The following CCDC178 variants were observed in gnomAD, a reference collection of about 807,000 sequenced individuals.
The protein encoded by CCDC178 is coiled-coil domain-containing protein 178.
In CCDC178, 126 loss-of-function variants were observed where a neutral mutation model predicts 117.4. That is an observed-to-expected ratio of 1.07 (90% confidence interval 0.93 to 1.24). CCDC178 has a LOEUF of 1.24. CCDC178 is among the 50% of genes most tolerant of loss of function. The pLI is 0.00. For synonymous variants in CCDC178, 283 were observed against 313.4 expected, an observed-to-expected ratio of 0.90 and a Z score of 1.02; for missense variants, 1,030 against 986.9, an observed-to-expected ratio of 1.04 and a Z score of -0.59.
rs578247994 is a variant in CCDC178, at chr18:33,328,165, G to A, written c.880-4532C>T. The stretch of plus-strand genomic sequence containing the variant: ...TTGCCAGGCTGGAGTGCAGTGGCGC[G>A]ATCTCGGCTCACTGCAACCCCCGCC... On this transcript the variant is annotated intron_variant, in intron 10 of 22. Coordinates refer to ENST00000383096, the MANE Select transcript of CCDC178 (RefSeq NM_001105528.4). 3.6e-4 allele frequency: 99 copies of A among 271,640 alleles called. No individual in the cohort carries two copies. In the Admixed American group the frequency reaches 4.8e-3, roughly 13 times the overall value. The allele number at this position is 271,640 out of a possible 1,614,324, so 16.8% of individuals were successfully genotyped here.
chr18:33,389,032 C>T (rs2063530662), intron 5 of CCDC178, among the ~76,000 whole-genome samples: 1 of 151,950 alleles, frequency 6.6e-6, no homozygotes, highest in African/African-American at 2.4e-5. Flanking sequence ...AGAGCTAATG[C>T]ATGTTGGGCT....
At chr18:33,389,815 T>C (rs1031786899) in intron 4 of CCDC178, among the ~76,000 whole-genome samples, 186 bp from the exon 5 acceptor site, 1 of 151,822 alleles carries the variant, frequency 6.6e-6, no homozygotes, top group African/African-American at 2.4e-5. Flanking sequence ...TGCTCTTCAA[T>C]TGGTTTGACT....
chr18:33,144,656 A>G (rs143664158), intron 20 of CCDC178, among the ~76,000 whole-genome samples: 1 of 152,256 alleles, frequency 6.6e-6, no homozygotes, highest in East Asian at 1.9e-4. Context: ...ATGTTGCCAA[A>G]TTTCTAATGT....
chr18:33,172,767 C>G (rs552148933), intron 20 of CCDC178, among the ~76,000 whole-genome samples: 1 of 152,214 alleles, frequency 6.6e-6, no homozygotes, highest in East Asian at 1.9e-4. Flanking sequence ...ATATTGAAAT[C>G]TATTTAACAA....
chr18:33,141,093 G>A (rs2058198191), intron 20 of CCDC178, among the ~76,000 whole-genome samples: 1 of 152,130 alleles, frequency 6.6e-6, no homozygotes, highest in Non-Finnish European at 1.5e-5. Flanking sequence ...ATGATTGTGA[G>A]GCCTCCCCAG....
At chr18:33,356,828 CA>C (rs1363228151) in intron 6 of CCDC178, among the ~76,000 whole-genome samples, 15 of 152,018 alleles carry the variant, frequency 9.9e-5, no homozygotes, top group African/African-American at 2.9e-4. Flanking sequence ...TATTCAGAAA[CA>C]GTCCTGCAAA....
intron 20 of CCDC178, among the ~76,000 whole-genome samples, chr18:33,152,409 A>G (rs1449274899): frequency 9.2e-5 from 14 of 152,008 alleles, no homozygotes; most frequent in Admixed American, 9.2e-4. Context: ...CTTTCTTTGA[A>G]TAATGAGACA....
chr18:32,958,102 T>C (rs1335621394), intron 22 of CCDC178: 1 of 394,436 alleles, frequency 2.5e-6, no homozygotes, highest in Non-Finnish European at 4.7e-6. Context: ...GCTAAATTAT[T>C]GATGCTACAC....
chr18:33,354,954 T>A (rs2063033959), intron 7 of CCDC178, among the ~76,000 whole-genome samples: 1 of 152,114 alleles, frequency 6.6e-6, no homozygotes, highest in South Asian at 2.1e-4. Context: ...CTAATTGAGA[T>A]TTTATATTTG....
intron 5 of CCDC178, among the ~76,000 whole-genome samples, chr18:33,379,138 CCATATATATATAATATAT>C (rs1272984304): frequency 2.5e-5 from 3 of 120,702 alleles, no homozygotes; most frequent in Admixed American, 1.8e-4. Context: ...ATATATATTT[CCATATATATATAATATAT>C]ATATTTCCAT....
chr18:33,318,944 T>C (rs901236301), intron 11 of CCDC178, among the ~76,000 whole-genome samples: 1 of 152,126 alleles, frequency 6.6e-6, no homozygotes, highest in Non-Finnish European at 1.5e-5. Context: ...AAATATCTTT[T>C]GAACAAAAAT....
At chr18:33,440,412 G>T (rs955453310) in intron 1 of CCDC178, 22 of 151,924 alleles carry the variant, frequency 1.4e-4, no homozygotes, top group African/African-American at 5.3e-4. Context: ...GGGGACTGGG[G>T]AATTATGGGA....
chr18:33,390,029 C>T (rs2063545759), intron 4 of CCDC178, among the ~76,000 whole-genome samples: 1 of 148,208 alleles, frequency 6.7e-6, no homozygotes, highest in African/African-American at 2.5e-5. Flanking sequence ...CATATATATA[C>T]TATTATATAT....
At chr18:33,353,168 T>C (rs1005398720) in intron 7 of CCDC178, among the ~76,000 whole-genome samples, 1 of 152,130 alleles carries the variant, frequency 6.6e-6, no homozygotes, top group Non-Finnish European at 1.5e-5. Context: ...TCTTTTGTCT[T>C]CTGTAACAGG....
intron 2 of CCDC178, among the ~76,000 whole-genome samples, chr18:33,431,911 T>A (rs1480147711): frequency 6.6e-6 from 1 of 152,200 alleles, no homozygotes; most frequent in Non-Finnish European, 1.5e-5. Flanking sequence ...TCATGGGATA[T>A]CCTGGAGAGG....
chr18:33,033,296 CT>C (rs1234151021), intron 21 of CCDC178, among the ~76,000 whole-genome samples: 1 of 152,012 alleles, frequency 6.6e-6, no homozygotes, highest in Non-Finnish European at 1.5e-5. Context: ...AAGAAAAAGC[CT>C]TTGAGAAAAA....
chr18:32,938,033 C>G lies in CCDC178; in HGVS notation c.2582G>C (p.Gly861Ala). 1 of 1,613,388 alleles carries G rather than the reference C, an allele frequency of 6.2e-7. No homozygotes were observed. The change falls in exon 23 of 23, where the codon GGC (glycine) becomes GCC (alanine). Residue 861 changes from glycine (G) to alanine (A), a missense_variant. Physicochemically the swap from Gly to Ala is moderately conservative, Grantham distance 60. Transcript: ENST00000383096. ...ILGFFQTLTD[G>A]TCENDG ...TGCTTAACCATCGTTTTCGCATGTG[C>G]CATCTGTCAAAGTCTGGAAGAAACC... is the stretch of plus-strand genomic sequence containing the variant.
At chr18:33,293,444 G>A in intron 11 of CCDC178, 132 bp from the exon 12 acceptor site, 1 of 449,046 alleles carries the variant, frequency 2.2e-6, no homozygotes, top group Non-Finnish European at 3.8e-6. Flanking sequence ...CAGATGGCTT[G>A]AGTCCAGGAG....
intron 2 of CCDC178, among the ~76,000 whole-genome samples, chr18:33,416,693 G>A (rs1243319585): frequency 6.6e-6 from 1 of 152,070 alleles, no homozygotes; most frequent in Non-Finnish European, 1.5e-5. Flanking sequence ...AAGTAAAGAA[G>A]TACCTTTATT....
Sources: gnomAD v4.1 joint callset for allele counts (sites outside exome capture counted in the v4.1 genomes callset) on GRCh38, gnomAD v4.1.1 for gene constraint, MANE v1.5 for transcripts, NCBI Gene and HGNC (gene_info 2026-07-23, HGNC 2026-07-21) for gene names.